Variants in TMEM255B observed in about 807,000 individuals in gnomAD.
The protein encoded by TMEM255B is family with sequence similarity 70, member B.
TMEM255B carries 35 observed loss-of-function variants against 34.5 expected under a neutral mutation model. That is an observed-to-expected ratio of 1.01 (90% CI 0.77 to 1.34). The LOEUF (loss-of-function observed/expected upper bound fraction) is 1.34, where lower values mean the gene tolerates loss of function less well. Among genes scored for constraint, TMEM255B ranks in the 40% most tolerant of loss-of-function variants. The probability of loss-of-function intolerance (pLI) is 0.00; values close to 1 mark genes in which losing one functional copy is unlikely to be tolerated. For synonymous variants in TMEM255B, 206 were observed against 201.2 expected (o/e 1.02, Z -0.20); for missense variants, 432 against 433.2 (o/e 1.00, Z 0.02).
chr13:113,776,370 C>T (rs2050577854), intron 3 of TMEM255B, among the ~76,000 whole-genome samples: 1 of 152,202 alleles, frequency 6.6e-6, no homozygotes, highest in African/African-American at 2.4e-5. Flanking sequence ...GATCGTGCAC[C>T]TGCCACTCAG....
At chr13:113,785,212 C>T (rs2050722948) in intron 3 of TMEM255B, among the ~76,000 whole-genome samples, 2 of 152,356 alleles carry the variant, frequency 1.3e-5, no homozygotes, top group South Asian at 2.1e-4. Context: ...CTTAAAATGG[C>T]AGTGTTTGTC....
chr13:113,762,029 A>G (rs1259645243), intron 1 of TMEM255B, among the ~76,000 whole-genome samples: 1 of 151,688 alleles, frequency 6.6e-6, no homozygotes, highest in Non-Finnish European at 1.5e-5. Flanking sequence ...ATTGGTAGAT[A>G]TTTTAATTAA....
rs750675104 is a variant in TMEM255B, at chr13:113,766,329, A to G, written c.189+72A>G. ...GTGTGGCTCTCTCAGGGTGGAGTCC[A>G]CGCCAGCTCACAGGGCTGGGGCTGA... On this transcript the variant is annotated intron_variant, in intron 2 of 8. Coordinates refer to ENST00000375353, the MANE Select transcript of TMEM255B (RefSeq NM_182614.4). The G allele has an allele frequency of 3.1e-6, 5 of 1,601,930 alleles. No homozygotes were observed. The Admixed American group carries it at 8.4e-5, about 27-fold the overall frequency.
At chr13:113,768,149 C>T (rs1253844662) in intron 2 of TMEM255B, 1 of 466,440 alleles carries the variant, frequency 2.1e-6, no homozygotes, top group Admixed American at 2.4e-5. Flanking sequence ...CCCCTTCCAA[C>T]AGACACTCAC....
intron 3 of TMEM255B, among the ~76,000 whole-genome samples, chr13:113,782,954 G>T (rs576836169): frequency 6.6e-6 from 1 of 152,272 alleles, no homozygotes; most frequent in South Asian, 2.1e-4. Context: ...TTGTCTTTTT[G>T]AATTCTTTGT....
rs74118477 is a variant in TMEM255B at position 113,806,280 on chromosome 13, G to A, written c.813+1252G>A. Among the ~76,000 whole-genome samples the A allele has an allele frequency of 0.01, 1,572 of 152,178 alleles. 27 individuals carry two copies. The highest frequency in any genetic ancestry group is 0.036 in the African/African-American group (1,501 of 41,532). On this transcript the variant is annotated intron_variant, in intron 8 of 8. Coordinates refer to ENST00000375353, the MANE Select transcript of TMEM255B (RefSeq NM_182614.4). This position sits in a 1 kb window ranked among gnomAD's most constrained non-coding sequence, Gnocchi z 4.2. ...GAACCAGCACTCATGGAGATGGTGC[G>A]TCTGGGGGTCCCTGGGGTCCAGGGG...
rs956040437 is a variant in TMEM255B at position 113,806,422 on chromosome 13, A to G, written c.813+1394A>G. 2.0e-5 allele frequency among the ~76,000 whole-genome samples: 3 copies of G among 152,102 alleles called. No individual in the cohort carries two copies. The highest frequency in any genetic ancestry group is 2.9e-5 in the Non-Finnish European group (2 of 68,014). On this transcript the variant is annotated intron_variant, in intron 8 of 8. Coordinates refer to ENST00000375353, the MANE Select transcript of TMEM255B (RefSeq NM_182614.4). The surrounding 1 kb of genome is among the most constrained non-coding windows in gnomAD (Gnocchi z 4.2). Reference sequence around the variant, plus strand: ...GTGGAGATGACCAGGGCCTGACAACATCTCCTCGTGGAGGGATCCCTGCAC... The same window carrying G: ...GTGGAGATGACCAGGGCCTGACAACGTCTCCTCGTGGAGGGATCCCTGCAC...
chr13:113,766,320 G>A (rs761961917), intron 2 of TMEM255B, 63 bp downstream of exon 2: 3 of 1,608,048 alleles, frequency 1.9e-6, no homozygotes, highest in East Asian at 2.2e-5. Context: ...CTCTCTCAGG[G>A]TGGAGTCCAC....
intron 4 of TMEM255B, among the ~76,000 whole-genome samples, chr13:113,796,394 GCA>G (rs2050937669): frequency 9.3e-6 from 1 of 107,176 alleles, no homozygotes; most frequent in Non-Finnish European, 1.9e-5. Context: ...ACCACACAGA[GCA>G]CACACCTCAC....
In TMEM255B at chr13:113,765,916, G is replaced by A. The variant is rs115926862; in HGVS notation, c.47-199G>A. On this transcript the variant is annotated intron_variant, in intron 1 of 8. Transcript: ENST00000375353. ...TTGGCCGCAAATACCAGGCTATCCA[G>A]TATAGTGGCTTATGGTCCAGAGATT... Among the ~76,000 whole-genome samples, 1,176 of 152,354 alleles carry A rather than the reference G, an allele frequency of 7.7e-3. 11 individuals are homozygous for A. The highest frequency in any genetic ancestry group is 0.026 in the African/African-American group (1,098 of 41,568).
Position 113,816,727 on chromosome 13 carries a change from G to A in TMEM255B, c.*4824G>A, listed in dbSNP as rs1200729600. ...GGGGCCCGTCAGCAGATCCTCAGAC[G>A]GCGACACGCGCCACTTCCTTTTCTG... On this transcript the variant is annotated 3_prime_UTR_variant, in exon 9 of 9. Coordinates refer to ENST00000375353, the MANE Select transcript of TMEM255B (RefSeq NM_182614.4). 6.6e-6 allele frequency: 1 copy of A among 152,196 alleles called. No homozygotes were observed. The highest frequency in any genetic ancestry group is 1.5e-5 in the Non-Finnish European group (1 of 68,046). The allele number at this position is 152,196 out of a possible 1,614,324, so 9.4% of individuals were successfully genotyped here.
chr13:113,765,426 G>A (rs2050372896), intron 1 of TMEM255B, among the ~76,000 whole-genome samples: 2 of 152,216 alleles, frequency 1.3e-5, no homozygotes, highest in Admixed American at 6.5e-5. Flanking sequence ...CTGCACGGCC[G>A]TCATCGCTGC....
intron 8 of TMEM255B, 26 bp from the exon 9 acceptor site, chr13:113,811,710 C>G (rs775927917): frequency 6.2e-7 from 1 of 1,612,620 alleles, no homozygotes; most frequent in Non-Finnish European, 8.5e-7. Flanking sequence ...CACCTGCTAA[C>G]CCAGGGCCCT....
At chr13:113,811,156 CCGTG>C in intron 8 of TMEM255B, among the ~76,000 whole-genome samples, 1 of 134,756 alleles carries the variant, frequency 7.4e-6, no homozygotes, top group East Asian at 2.3e-4. Context: ...GGGTGGGGGC[CCGTG>C]AGAGTGGTCC....
chr13:113,781,667 C>T (rs889860527), intron 3 of TMEM255B, among the ~76,000 whole-genome samples: 1 of 152,180 alleles, frequency 6.6e-6, no homozygotes, highest in African/African-American at 2.4e-5. Context: ...CAGGCCTTAC[C>T]TAGATATAAA....
At chr13:113,790,443 C>T (rs933245941) in intron 3 of TMEM255B, among the ~76,000 whole-genome samples, 245 of 89,882 alleles carry the variant, frequency 2.7e-3, no homozygotes, top group African/African-American at 9.3e-3. Flanking sequence ...GACACATGGA[C>T]ATCCTAGCTG....
At position 113,814,427 on chromosome 13, in the gene TMEM255B, C is replaced by T. The variant is rs2051381804; in HGVS notation, c.*2524C>T. ...TTTTAATCTTGTCTAGAGTCAAAAG[C>T]TGTTCAAAAATATTCAACTCCAAGG... is the stretch of plus-strand genomic sequence containing the variant. On this transcript the variant is annotated 3_prime_UTR_variant, in exon 9 of 9. Transcript: ENST00000375353. The T allele has an allele frequency of 6.6e-6, 1 of 152,282 alleles. No individual in the cohort carries two copies. The highest frequency in any genetic ancestry group is 6.5e-5 in the Admixed American group (1 of 15,290). 9.4% of individuals were successfully genotyped at this position (152,282 alleles called of 1,614,324 possible). A position where few individuals can be genotyped will look rare whatever the true frequency, so the allele number is the denominator to read the frequency against.
chr13:113,789,823 C>T (rs1287629212), intron 3 of TMEM255B, among the ~76,000 whole-genome samples: 1 of 151,530 alleles, frequency 6.6e-6, no homozygotes, highest in Non-Finnish European at 1.5e-5. Context: ...CTGAACTGAC[C>T]GTGTACATGG....
intron 4 of TMEM255B, among the ~76,000 whole-genome samples, chr13:113,797,809 TGACCCTAGC>T (rs1182198875): frequency 1.3e-5 from 2 of 152,252 alleles, no homozygotes; most frequent in African/African-American, 2.4e-5. Flanking sequence ...GTGGGCAATG[TGACCCTAGC>T]TTATTTGCAG....
Sources: allele counts gnomAD v4.1 joint callset (sites outside exome capture counted in the v4.1 genomes callset), GRCh38; gene constraint gnomAD v4.1.1; non-coding constraint Gnocchi (gnomAD v3.1); transcripts MANE v1.5; gene names NCBI Gene and HGNC (gene_info 2026-07-23, HGNC 2026-07-21).